The following PDS5B variants were observed in gnomAD, a reference collection of about 807,000 sequenced individuals.
PDS5B encodes PDS5 cohesin associated factor B.
Under a neutral mutation model 184.1 loss-of-function variants are expected in PDS5B, and 51 were observed. The ratio of observed to expected loss-of-function variants is 0.28; its 90% CI spans 0.22 to 0.35. The LOEUF (loss-of-function observed/expected upper bound fraction) is 0.35. Among genes scored for constraint, PDS5B ranks in the 10% least tolerant of loss-of-function variants. The pLI is 1.00. For missense variants in PDS5B, 1,180 were observed against 1,723.3 expected (o/e 0.68, Z 5.58); for synonymous variants, 566 against 569.2 (o/e 0.99, Z 0.08).
intron 1 of PDS5B, among the ~76,000 whole-genome samples, chr13:32,629,512 C>T (rs562648097): frequency 1.9e-4 from 29 of 152,214 alleles, no homozygotes; most frequent in Non-Finnish European, 3.7e-4. Context: ...CTGTGTTTAT[C>T]CTTGTTGGAG....
chr13:32,635,238 G>C lies in PDS5B; in HGVS notation c.-19-13516G>C, dbSNP rs1236436151. On this transcript the variant is annotated intron_variant, in intron 1 of 34. Transcript: ENST00000315596. The stretch of plus-strand genomic sequence containing the variant: ...TTTGTGGAGATGGGGGGGTCTCACT[G>C]TATTGCCCAGGCTGGTCTAGAATTC... Among the ~76,000 whole-genome samples the C allele has an allele frequency of 3.6e-5, 4 of 112,292 alleles. 1 individual carries two copies. The highest frequency in any genetic ancestry group is 1.2e-4 in the Admixed American group (1 of 8,278). The allele number at this position is 112,292 out of a possible 152,430, so 73.7% of individuals were successfully genotyped here.
intron 19 of PDS5B, among the ~76,000 whole-genome samples, chr13:32,720,881 A>G (rs1385542455): frequency 1.3e-5 from 2 of 152,100 alleles, no homozygotes; most frequent in Admixed American, 1.3e-4. Context: ...TCTGTTTAAC[A>G]AAGCACATCT....
intron 1 of PDS5B, among the ~76,000 whole-genome samples, chr13:32,635,170 G>GTTTTTTTTTT (rs71071054): frequency 1.2e-4 from 10 of 81,120 alleles, no homozygotes; most frequent in South Asian, 4.1e-4. Context: ...AGCCAATTAC[G>GTTTTTTTTTT]TTTTTTTTTT....
At chr13:32,767,970 TATAAA>T (rs928288425) in intron 31 of PDS5B, among the ~76,000 whole-genome samples, 14 of 152,310 alleles carry the variant, frequency 9.2e-5, no homozygotes, top group Non-Finnish European at 2.9e-5. Flanking sequence ...GTTCAAAACA[TATAAA>T]ATAAAGGAAG....
chr13:32,602,044 C>T (rs1384174283), intron 1 of PDS5B, among the ~76,000 whole-genome samples: 1 of 132,618 alleles, frequency 7.5e-6, no homozygotes, highest in Non-Finnish European at 1.7e-5. Context: ...GAAGTGAATG[C>T]ATTCAAAACA....
intron 15 of PDS5B, among the ~76,000 whole-genome samples, chr13:32,698,742 A>T (rs1260260003): frequency 6.6e-6 from 1 of 151,778 alleles, no homozygotes; most frequent in Non-Finnish European, 1.5e-5. Context: ...CTATTTCGAT[A>T]GTCCACAGAG....
intron 1 of PDS5B, among the ~76,000 whole-genome samples, chr13:32,620,163 C>T (rs1210393794): frequency 2.6e-5 from 4 of 152,152 alleles, no homozygotes; most frequent in Non-Finnish European, 2.9e-5. Flanking sequence ...TTTTCAGCTG[C>T]TTTGGCTGGT....
intron 27 of PDS5B, 63 bp from the exon 28 acceptor site, chr13:32,758,471 C>T: frequency 5.5e-6 from 8 of 1,459,316 alleles, no homozygotes; most frequent in Non-Finnish European, 7.5e-6. Context: ...GAAATTATTC[C>T]TAGTTTACAG....
chr13:32,721,419 C>T (rs1464129206), intron 19 of PDS5B, among the ~76,000 whole-genome samples: 11 of 150,004 alleles, frequency 7.3e-5, no homozygotes, highest in South Asian at 2.1e-4. Flanking sequence ...GAGCGGCTGC[C>T]GGGCGGAGGG....
intron 1 of PDS5B, among the ~76,000 whole-genome samples, chr13:32,627,772 G>T (rs148085613): frequency 1.7e-3 from 252 of 152,302 alleles, no homozygotes; most frequent in African/African-American, 5.7e-3. Flanking sequence ...TTTAGATCTG[G>T]AAGGTGGGAT....
intron 19 of PDS5B, among the ~76,000 whole-genome samples, chr13:32,719,159 G>T (rs1190552996): frequency 2.0e-5 from 3 of 152,114 alleles, no homozygotes; most frequent in Non-Finnish European, 4.4e-5. Context: ...ATGAAATATT[G>T]ATGGGTTGGA....
At chr13:32,672,409 GTA>G (rs1306036444) in intron 7 of PDS5B, among the ~76,000 whole-genome samples, 1 of 152,064 alleles carries the variant, frequency 6.6e-6, no homozygotes, top group African/African-American at 2.4e-5. Context: ...ATATATGTGT[GTA>G]TATTCACACA....
At chr13:32,706,856 A>G (rs1952034490) in intron 17 of PDS5B, 78 bp from the exon 18 acceptor site, 2 of 821,204 alleles carry the variant, frequency 2.4e-6, no homozygotes, top group Non-Finnish European at 4.0e-6. Context: ...GTATGTGCAC[A>G]TATATGTAAC....
intron 8 of PDS5B, 110 bp downstream of exon 8, chr13:32,673,466 G>C (rs1593393818): frequency 1.2e-6 from 1 of 855,068 alleles, no homozygotes; most frequent in East Asian, 2.7e-5. Flanking sequence ...AGATGAGGGG[G>C]AAGTATTACT....
chr13:32,656,595 C>CTTTTT (rs561702930), intron 3 of PDS5B, among the ~76,000 whole-genome samples: 1 of 128,256 alleles, frequency 7.8e-6, no homozygotes, highest in East Asian at 2.3e-4. Flanking sequence ...CTTTTTGTGG[C>CTTTTT]TTTTTTTTTT....
chr13:32,749,866 CTG>C (rs1953911757), intron 24 of PDS5B, among the ~76,000 whole-genome samples: 1 of 152,192 alleles, frequency 6.6e-6, no homozygotes, highest in Non-Finnish European at 1.5e-5. Flanking sequence ...TAGACACCAT[CTG>C]TTTTTTTCTT....
intron 1 of PDS5B, among the ~76,000 whole-genome samples, chr13:32,587,861 A>G (rs545077981): frequency 6.6e-6 from 1 of 152,342 alleles, no homozygotes; most frequent in South Asian, 2.1e-4. Flanking sequence ...GCCTTAATTT[A>G]GAGGGTTGGT....
At chr13:32,678,974 TGG>T (rs754240227) in intron 10 of PDS5B, 45 bp downstream of exon 10, 5 of 1,059,560 alleles carry the variant, frequency 4.7e-6, no homozygotes, top group Non-Finnish European at 7.3e-6. Flanking sequence ...TGCTCTTCAG[TGG>T]AAAAAAATAA....
chr13:32,733,646 GGA>G (rs758437862), intron 20 of PDS5B, among the ~76,000 whole-genome samples: 1 of 151,976 alleles, frequency 6.6e-6, no homozygotes, highest in Non-Finnish European at 1.5e-5. Context: ...GTTCAGTGTG[GGA>G]GAATAGAGCA....
Sources: allele counts gnomAD v4.1 joint callset (sites outside exome capture counted in the v4.1 genomes callset), GRCh38; gene constraint gnomAD v4.1.1; transcripts MANE v1.5; gene names NCBI Gene and HGNC (gene_info 2026-07-23, HGNC 2026-07-21).